ALK: variants seen among roughly 807,000 people sequenced by gnomAD.
The protein encoded by ALK is ALK tyrosine kinase receptor.
Under a neutral mutation model 163.1 loss-of-function variants are expected in ALK, and 74 were observed. That is an observed-to-expected ratio of 0.45 (90% CI 0.38 to 0.55). ALK has a LOEUF of 0.55. Among genes scored for constraint, ALK ranks in the 20% least tolerant of loss-of-function variants. The pLI is 0.00. For missense variants in ALK, 2,063 were observed against 2,105.3 expected, an observed-to-expected ratio of 0.98 and a Z score of 0.39; for synonymous variants, 960 against 843.2, an observed-to-expected ratio of 1.14 and a Z score of -2.40.
chr2:29,216,947 CATGTG>C (rs1669635362), intron 23 of ALK, among the ~76,000 whole-genome samples: 1 of 9,022 alleles, frequency 1.1e-4, no homozygotes, highest in South Asian at 5.7e-3. Flanking sequence ...GTGTGTGTGG[CATGTG>C]ATGTGTGTGT....
intron 1 of ALK, among the ~76,000 whole-genome samples, chr2:29,822,948 T>C (rs966705174): frequency 1.5e-4 from 23 of 152,218 alleles, no homozygotes; most frequent in African/African-American, 5.3e-4. Flanking sequence ...AAGATACTGT[T>C]CCAGACATTG....
chr2:29,437,969 C>T (rs1404757702), intron 4 of ALK, among the ~76,000 whole-genome samples: 1 of 152,190 alleles, frequency 6.6e-6, no homozygotes, highest in Non-Finnish European at 1.5e-5. Flanking sequence ...GGAAGACCTG[C>T]AGGTATTATT....
intron 3 of ALK, among the ~76,000 whole-genome samples, chr2:29,535,198 T>C (rs1673220897): frequency 6.6e-6 from 1 of 152,216 alleles, no homozygotes; most frequent in South Asian, 2.1e-4. Context: ...ACACAGACCT[T>C]CACCCAGTGT....
chr2:29,213,896 A>C, intron 24 of ALK, 88 bp downstream of exon 24: 1 of 1,134,694 alleles, frequency 8.8e-7, no homozygotes, highest in Non-Finnish European at 1.3e-6. Context: ...TTCTGCTCTG[A>C]AGGGGGAAAT....
chr2:29,766,905 CCTCCAAAAGG>C (rs1477142416), intron 1 of ALK, among the ~76,000 whole-genome samples: 9 of 152,128 alleles, frequency 5.9e-5, no homozygotes, highest in African/African-American at 1.9e-4. Flanking sequence ...CAGAGCCTGA[CCTCCAAAAGG>C]CTCTTCTAGA....
At position 29,193,832 on chromosome 2, in the gene ALK, C is replaced by T. The variant is rs56181542; in HGVS notation, c.4255G>A (p.Glu1419Lys). ...GAGACCAGGAGAGGAGGAACCCCCT[C>T]AGGGTCCTTGGGCCTCACAGGCACT... is the stretch of plus-strand genomic sequence containing the variant. ...EKVPVRPKDP[E>K]GVPPLLVSQQ... The change falls in exon 29 of 29, where the codon GAG (glutamate) becomes AAG (lysine). Residue 1419 changes from glutamate to lysine, a missense_variant. Physicochemically the swap from Glu to Lys is moderately conservative, Grantham distance 56. Around this residue, in one of 5 missense-constraint regions of ALK, gnomAD observed 403 missense variants for 366.2 expected, o/e 1.10. Transcript: ENST00000389048. The T allele has an allele frequency of 6.7e-4, 1,081 of 1,610,874 alleles. 2 individuals carry two copies. The highest frequency in any genetic ancestry group is 8.5e-4 in the Non-Finnish European group (998 of 1,178,694).
chr2:29,758,937 A>T (rs1680618813), intron 1 of ALK, among the ~76,000 whole-genome samples: 1 of 151,904 alleles, frequency 6.6e-6, no homozygotes, highest in Admixed American at 6.6e-5. Context: ...CCTGTCCAAC[A>T]ATTTGCCTTC....
chr2:29,787,942 G>A (rs2148355237), intron 1 of ALK, among the ~76,000 whole-genome samples: 1 of 152,292 alleles, frequency 6.6e-6, no homozygotes, highest in Admixed American at 6.5e-5. Context: ...GTTAGTATAT[G>A]GAAATATTGG....
chr2:29,223,871 A>G lies in ALK; in HGVS notation c.3173-343T>C, dbSNP rs187528203. 6.3e-5 allele frequency: 25 copies of G among 398,926 alleles called. No homozygotes were observed. The East Asian group carries it at 1.0e-3, about 17-fold the overall frequency. The allele number at this position is 398,926 out of a possible 1,614,324, so 24.7% of individuals were successfully genotyped here. ...TTTTATTAGAAGAAATGCCCATGAGAGGAAATGGGGAGGGAGCCAGGGAAG... is the reference window on the plus strand; with the variant it reads ...TTTTATTAGAAGAAATGCCCATGAGGGGAAATGGGGAGGGAGCCAGGGAAG... On this transcript the variant is annotated intron_variant, in intron 19 of 28. Transcript: ENST00000389048.
chr2:29,497,212 C>T (rs1672051613), intron 4 of ALK, among the ~76,000 whole-genome samples: 1 of 151,812 alleles, frequency 6.6e-6, no homozygotes, highest in Non-Finnish European at 1.5e-5. Context: ...ACGGAGGTTG[C>T]AGTGAGCCGA....
intron 4 of ALK, among the ~76,000 whole-genome samples, chr2:29,450,652 A>G (rs1436326109): frequency 6.6e-6 from 1 of 152,222 alleles, no homozygotes; most frequent in African/African-American, 2.4e-5. Flanking sequence ...TGGAAAAAAT[A>G]TGTTACAGTT....
intron 9 of ALK, among the ~76,000 whole-genome samples, chr2:29,277,630 A>T (rs1052691999): frequency 6.6e-6 from 1 of 152,262 alleles, no homozygotes; most frequent in African/African-American, 2.4e-5. Flanking sequence ...CCTTCAGGCC[A>T]TATTCCCCAT....
At chr2:29,633,527 A>G (rs1238880248) in intron 3 of ALK, among the ~76,000 whole-genome samples, 1 of 151,998 alleles carries the variant, frequency 6.6e-6, no homozygotes, top group African/African-American at 2.4e-5. Context: ...GAAAAAGAAG[A>G]GCACAATAAA....
At chr2:29,662,462 T>G (rs1573536534) in intron 3 of ALK, among the ~76,000 whole-genome samples, 1 of 152,194 alleles carries the variant, frequency 6.6e-6, no homozygotes, top group South Asian at 2.1e-4. Flanking sequence ...TTTGGCCCCT[T>G]CCTTAAGTTT....
At chr2:29,561,233 G>A (rs745687778) in intron 3 of ALK, among the ~76,000 whole-genome samples, 1 of 152,114 alleles carries the variant, frequency 6.6e-6, no homozygotes, top group African/African-American at 2.4e-5. Context: ...ATGATCCCAC[G>A]ATAGCTGTTA....
chr2:29,444,265 G>A lies in ALK; in HGVS notation c.1155-60406C>T, dbSNP rs138085931. ...GAGGGTTATGGGCAGGAACATGAAG[G>A]AAACTGAAGAATGTGGAATGATACT... is the stretch of plus-strand genomic sequence containing the variant. On this transcript the variant is annotated intron_variant, in intron 4 of 28. Coordinates refer to ENST00000389048, the MANE Select transcript of ALK (RefSeq NM_004304.5). Among the ~76,000 whole-genome samples, 372 of 152,288 alleles carry A rather than the reference G, an allele frequency of 2.4e-3. 1 individual carries two copies. Among genetic ancestry groups the A allele is most frequent in the Non-Finnish European group, 3.7e-3 (253 of 68,030 alleles).
intron 11 of ALK, among the ~76,000 whole-genome samples, chr2:29,256,664 A>G (rs1351256066): frequency 6.6e-6 from 1 of 151,712 alleles, no homozygotes; most frequent in Non-Finnish European, 1.5e-5. Flanking sequence ...TAGCCAGGAC[A>G]GACCATATGA....
chr2:29,813,261 A>C (rs751027550), intron 1 of ALK, among the ~76,000 whole-genome samples: 1 of 152,176 alleles, frequency 6.6e-6, no homozygotes, highest in East Asian at 1.9e-4. Flanking sequence ...GCACCAAAGA[A>C]GATTCAAAAA....
intron 1 of ALK, among the ~76,000 whole-genome samples, chr2:29,839,310 G>A (rs980072471): frequency 1.3e-5 from 2 of 152,162 alleles, no homozygotes; most frequent in Non-Finnish European, 2.9e-5. Flanking sequence ...TAAGAAAGAT[G>A]AGTAAGTTTT....
Sources: allele counts gnomAD v4.1 joint callset (sites outside exome capture counted in the v4.1 genomes callset), GRCh38; gene constraint gnomAD v4.1.1; regional missense constraint gnomAD v4.1.1; transcripts MANE v1.5; gene names NCBI Gene and HGNC (gene_info 2026-07-23, HGNC 2026-07-21).